The following MDFIC variants were observed in gnomAD, a reference collection of about 807,000 sequenced individuals.
The protein encoded by MDFIC is MyoD family inhibitor domain containing, also known as myoD family inhibitor domain-containing protein.
Under a neutral mutation model 23.2 loss-of-function variants are expected in MDFIC, and 17 were observed. That is an observed-to-expected ratio of 0.73 (90% CI 0.50 to 1.10). The LOEUF (loss-of-function observed/expected upper bound fraction) is 1.10. Ranked by LOEUF, MDFIC falls within the 50% of genes least tolerant of loss-of-function variation. The probability of loss-of-function intolerance (pLI) is 0.00; values close to 1 mark genes in which losing one functional copy is unlikely to be tolerated. For synonymous variants in MDFIC, 120 were observed against 115.2 expected, an observed-to-expected ratio of 1.04 and a Z score of -0.27; for missense variants, 356 against 316.6, an observed-to-expected ratio of 1.12 and a Z score of -0.95.
At chr7:115,012,849 G>A (rs907862227) in intron 4 of MDFIC, among the ~76,000 whole-genome samples, 103 of 151,922 alleles carry the variant, frequency 6.8e-4, no homozygotes, top group Non-Finnish European at 1.6e-4. Context: ...CATGGTGGCC[G>A]GCACCTGTAG....
chr7:114,929,048 T>C (rs1792253528), intron 2 of MDFIC, among the ~76,000 whole-genome samples: 1 of 151,692 alleles, frequency 6.6e-6, no homozygotes, highest in South Asian at 2.1e-4. Flanking sequence ...TATAGATCTA[T>C]AGATAAATAT....
At chr7:114,949,310 C>T (rs1014682940) in intron 3 of MDFIC, among the ~76,000 whole-genome samples, 1 of 152,064 alleles carries the variant, frequency 6.6e-6, no homozygotes, top group Non-Finnish European at 1.5e-5. Flanking sequence ...TAGATTTATT[C>T]CTCTCCTATT....
rs1199897481 is a variant in MDFIC, at chr7:115,003,871, T to C, written c.494-11817T>C. On this transcript the variant is annotated intron_variant, in intron 4 of 4. Transcript: ENST00000393486. The stretch of plus-strand genomic sequence containing the variant: ...CAGAGCTCCATCTTACAAATCTGAA[T>C]TGGATATTGGATATTCCATCCATTT... Among the ~76,000 whole-genome samples the C allele has an allele frequency of 3.3e-5, 5 of 152,316 alleles. No homozygotes were observed. In the East Asian group the frequency reaches 7.7e-4, roughly 23 times the overall value.
chr7:114,941,795 C>T lies in MDFIC; in HGVS notation c.95-480C>T, dbSNP rs561835646. On this transcript the variant is annotated intron_variant, in intron 2 of 4. Transcript: ENST00000393486. ...TACACAGTCCTTGACTTTTTCTTCA[C>T]GTTCTAGAGAGAGAATGCTGTACTT... Among the ~76,000 whole-genome samples the T allele has an allele frequency of 1.5e-3, 228 of 152,304 alleles. 2 individuals are homozygous for T. Among genetic ancestry groups the T allele is most frequent in the African/African-American group, 5.1e-3 (212 of 41,568 alleles).
rs2115850577 is a variant in MDFIC, at chr7:114,958,519, G to A, written c.217+16122G>A. On this transcript the variant is annotated intron_variant, in intron 3 of 4. Coordinates refer to ENST00000393486, the MANE Select transcript of MDFIC (RefSeq NM_001166345.3). ...TAATCCCAGCACTTTGGGAGGCAGA[G>A]GCAGGCGGATCACCTGAGGTCAGGA... Among the ~76,000 whole-genome samples the A allele has an allele frequency of 2.0e-5, 3 of 152,346 alleles. No individual in the cohort carries two copies. The Middle Eastern group carries it at 0.01, about 518-fold the overall frequency.
chr7:115,005,019 AT>A (rs1272452039), intron 4 of MDFIC, among the ~76,000 whole-genome samples: 1 of 152,214 alleles, frequency 6.6e-6, no homozygotes, highest in Non-Finnish European at 1.5e-5. Context: ...TGTTTTGAAT[AT>A]TGCATTAAAC....
chr7:114,950,970 T>C (rs559768840), intron 3 of MDFIC, among the ~76,000 whole-genome samples: 1 of 152,054 alleles, frequency 6.6e-6, no homozygotes, highest in South Asian at 2.1e-4. Context: ...TTTCAGGAGT[T>C]TGAGAAAAGC....
intron 3 of MDFIC, among the ~76,000 whole-genome samples, chr7:114,955,350 T>C (rs1424127114): frequency 2.6e-5 from 4 of 152,210 alleles, no homozygotes; most frequent in Non-Finnish European, 5.9e-5. Context: ...TATTTTCCTT[T>C]TCCCAGGCTT....
In MDFIC at chr7:114,938,020, A is replaced by T. The variant is rs527642246; in HGVS notation, c.95-4255A>T. ...GCCCAGGCTGGAGTGCAGTGGCGTGATCTTGGCTCACTGCAACCTCTGTCT... is the reference window on the plus strand; with the variant it reads ...GCCCAGGCTGGAGTGCAGTGGCGTGTTCTTGGCTCACTGCAACCTCTGTCT... On this transcript the variant is annotated intron_variant, in intron 2 of 4. Coordinates refer to ENST00000393486, the MANE Select transcript of MDFIC (RefSeq NM_001166345.3). Among the ~76,000 whole-genome samples, 256 of 152,236 alleles carry T rather than the reference A, an allele frequency of 1.7e-3. 1 individual carries two copies. The highest frequency in any genetic ancestry group is 5.6e-3 in the African/African-American group (233 of 41,536).
At chr7:114,948,581 C>G (rs754542701) in intron 3 of MDFIC, among the ~76,000 whole-genome samples, 2 of 152,102 alleles carry the variant, frequency 1.3e-5, no homozygotes, top group African/African-American at 2.4e-5. Context: ...TTCCTTCTCT[C>G]CCTCCCATTC....
chr7:115,013,361 C>T (rs943154194), intron 4 of MDFIC, among the ~76,000 whole-genome samples: 7 of 152,128 alleles, frequency 4.6e-5, no homozygotes, highest in African/African-American at 1.4e-4. Context: ...ACATTCTTTC[C>T]CCTTTAAAAT....
chr7:115,013,750 G>C (rs949987579), intron 4 of MDFIC, among the ~76,000 whole-genome samples: 5 of 152,168 alleles, frequency 3.3e-5, no homozygotes, highest in African/African-American at 1.2e-4. Flanking sequence ...CAACTGAAGA[G>C]AGTCATATAA....
Position 115,010,518 on chromosome 7 carries a change from A to G in MDFIC, c.494-5170A>G, listed in dbSNP as rs189695809. Among the ~76,000 whole-genome samples, 576 of 152,328 alleles carry G rather than the reference A, an allele frequency of 3.8e-3. 2 individuals are homozygous for G. The highest frequency in any genetic ancestry group is 5.8e-3 in the Admixed American group (89 of 15,300). ...TCTATTTAAAAAAATACAGAATATG[A>G]ATGTGTTTCTGGTAGATACTTCTGT... On this transcript the variant is annotated intron_variant, in intron 4 of 4. Coordinates refer to ENST00000393486, the MANE Select transcript of MDFIC (RefSeq NM_001166345.3).
rs187863710 is a variant in MDFIC, at chr7:115,017,926, A to G, written c.*1991A>G. The G allele has an allele frequency of 6.6e-6, 1 of 151,994 alleles. No individual in the cohort carries two copies. The highest frequency in any genetic ancestry group is 1.5e-5 in the Non-Finnish European group (1 of 67,868). The allele number at this position is 151,994 out of a possible 1,614,324, so 9.4% of individuals were successfully genotyped here. A position where few individuals can be genotyped will look rare whatever the true frequency, so the allele number is the denominator to read the frequency against. Reference sequence around the variant, plus strand: ...TTAACCTGAAGCATGAGAATATATCACCTGTGGTTTTTCCTTTGAGATGAA... The same window carrying G: ...TTAACCTGAAGCATGAGAATATATCGCCTGTGGTTTTTCCTTTGAGATGAA... On this transcript the variant is annotated 3_prime_UTR_variant, in exon 5 of 5. Transcript: ENST00000393486.
chr7:114,933,383 T>G (rs1001601747), intron 2 of MDFIC, among the ~76,000 whole-genome samples: 1 of 151,752 alleles, frequency 6.6e-6, no homozygotes, highest in Non-Finnish European at 1.5e-5. Context: ...TTCAGCCTCC[T>G]GAGTAGCTGG....
In MDFIC at chr7:114,922,170, C is replaced by T; in HGVS notation, c.-574C>T. ...CCGAGCCAGCCCAGGCCGGCTCTGG[C>T]CTCCTGACCCAGACAGCGCAGGGCG... On this transcript the variant is annotated 5_prime_UTR_variant, in exon 1 of 5. Coordinates refer to ENST00000393486, the MANE Select transcript of MDFIC (RefSeq NM_001166345.3). 5.3e-6 allele frequency: 2 copies of T among 376,110 alleles called. No individual in the cohort carries two copies. The highest frequency in any genetic ancestry group is 4.7e-6 in the Non-Finnish European group (1 of 214,182). 23.3% of individuals were successfully genotyped at this position (376,110 alleles called of 1,614,324 possible). A position where few individuals can be genotyped will look rare whatever the true frequency, so the allele number is the denominator to read the frequency against.
intron 4 of MDFIC, among the ~76,000 whole-genome samples, chr7:115,011,809 C>T (rs1015971870): frequency 3.9e-5 from 6 of 152,282 alleles, no homozygotes; most frequent in African/African-American, 1.4e-4. Context: ...TCTCTTCATC[C>T]TCAGGGCTAT....
chr7:114,972,347 G>C (rs1346160410), intron 3 of MDFIC, among the ~76,000 whole-genome samples: 7 of 152,032 alleles, frequency 4.6e-5, no homozygotes, highest in Non-Finnish European at 8.8e-5. Flanking sequence ...AGATTGCCGG[G>C]GACCGACCTG....
intron 2 of MDFIC, among the ~76,000 whole-genome samples, chr7:114,935,842 C>T (rs989640361): frequency 1.3e-5 from 2 of 152,028 alleles, no homozygotes; most frequent in African/African-American, 4.8e-5. Flanking sequence ...TGTATTTAGT[C>T]TAGAAACATA....
Sources: gnomAD v4.1 joint callset for allele counts (sites outside exome capture counted in the v4.1 genomes callset) on GRCh38, gnomAD v4.1.1 for gene constraint, MANE v1.5 for transcripts, NCBI Gene and HGNC (gene_info 2026-07-23, HGNC 2026-07-21) for gene names.